Variants in DGKG observed in about 807,000 individuals in gnomAD.
DGKG encodes the protein diacylglycerol kinase gamma, also known as DAG kinase gamma.
In DGKG, 78 loss-of-function variants were observed where a neutral mutation model predicts 105.3. The ratio of observed to expected loss-of-function variants is 0.74; its 90% CI spans 0.62 to 0.89. The LOEUF (loss-of-function observed/expected upper bound fraction) is 0.89. Among genes scored for constraint, DGKG ranks in the 40% least tolerant of loss-of-function variants. The pLI is 0.00. For missense variants in DGKG, 958 were observed against 1,020.1 expected, an observed-to-expected ratio of 0.94 and a Z score of 0.83; for synonymous variants, 346 against 367.1, an observed-to-expected ratio of 0.94 and a Z score of 0.66.
At chr3:186,326,156 C>T (rs1435189264) in intron 1 of DGKG, among the ~76,000 whole-genome samples, 2 of 152,134 alleles carry the variant, frequency 1.3e-5, no homozygotes, top group African/African-American at 4.8e-5. Flanking sequence ...CTTTTGGAGG[C>T]CGAGGCGGAA....
chr3:186,283,945 C>G, intron 7 of DGKG, among the ~76,000 whole-genome samples: 1 of 152,194 alleles, frequency 6.6e-6, no homozygotes, highest in East Asian at 1.9e-4. Context: ...TTAATGAGCC[C>G]TATCTCTGAC....
In DGKG at chr3:186,174,767, G is replaced by A. The variant is rs139716162; in HGVS notation, c.2096-9749C>T. ...GCTGAGCAAGGTGGGAGCAGAGCAG[G>A]TTCTAGACATCTTTAAGGCATGGGT... On this transcript the variant is annotated intron_variant, in intron 22 of 24. Transcript: ENST00000265022. Among the ~76,000 whole-genome samples, 132 of 151,826 alleles carry A rather than the reference G, an allele frequency of 8.7e-4. 1 individual carries two copies. Among genetic ancestry groups the A allele is most frequent in the African/African-American group, 3.1e-3 (130 of 41,420 alleles).
intron 22 of DGKG, among the ~76,000 whole-genome samples, chr3:186,166,566 T>A (rs1716556393): frequency 6.6e-6 from 1 of 152,060 alleles, no homozygotes; most frequent in South Asian, 2.1e-4. Flanking sequence ...TTGAATAACG[T>A]TGGATGGTCT....
At chr3:186,261,168 G>A (rs991153989) in intron 15 of DGKG, among the ~76,000 whole-genome samples, 4 of 152,308 alleles carry the variant, frequency 2.6e-5, no homozygotes, top group African/African-American at 7.2e-5. Flanking sequence ...TCCAGATCAC[G>A]GTGCCATCTG....
intron 1 of DGKG, among the ~76,000 whole-genome samples, chr3:186,350,332 G>T (rs1726568155): frequency 6.6e-6 from 1 of 152,122 alleles, no homozygotes; most frequent in Non-Finnish European, 1.5e-5. Context: ...CATATGAGTG[G>T]AATGTGCAGT....
At chr3:186,169,812 G>A (rs1251978803) in intron 22 of DGKG, among the ~76,000 whole-genome samples, 1 of 152,202 alleles carries the variant, frequency 6.6e-6, no homozygotes, top group Non-Finnish European at 1.5e-5. Flanking sequence ...GAAAGAACAA[G>A]GAAGATAAGG....
At chr3:186,329,208 T>C (rs545796205) in intron 1 of DGKG, among the ~76,000 whole-genome samples, 1 of 152,356 alleles carries the variant, frequency 6.6e-6, no homozygotes, top group East Asian at 1.9e-4. Flanking sequence ...AAGAGTATTT[T>C]ATGTCTCTAC....
intron 20 of DGKG, among the ~76,000 whole-genome samples, chr3:186,224,728 C>T (rs1719766518): frequency 2.7e-5 from 3 of 112,882 alleles, no homozygotes; most frequent in African/African-American, 1.0e-4. Context: ...TGATTGACAC[C>T]CCCCCGCCCC....
intron 2 of DGKG, among the ~76,000 whole-genome samples, chr3:186,317,359 C>T (rs954153527): frequency 6.6e-6 from 1 of 152,188 alleles, no homozygotes; most frequent in Non-Finnish European, 1.5e-5. Context: ...GCCATCTCCT[C>T]GCATGATTCC....
intron 22 of DGKG, among the ~76,000 whole-genome samples, chr3:186,183,320 G>A (rs954020528): frequency 6.6e-6 from 1 of 152,168 alleles, no homozygotes; most frequent in Non-Finnish European, 1.5e-5. Context: ...ATATGGAGGA[G>A]GCTGGGTATA....
rs34226259 is a variant in DGKG, at chr3:186,209,093, C to CTTTTTTTTTTTTTTTT, written c.1917+2686_1917+2701dup. Among the ~76,000 whole-genome samples the CTTTTTTTTTTTTTTTT allele has an allele frequency of 6.2e-4, 56 of 89,790 alleles. 1 individual carries two copies. Among genetic ancestry groups the CTTTTTTTTTTTTTTTT allele is most frequent in the African/African-American group, 2.7e-3 (55 of 20,754 alleles). The allele number at this position is 89,790 out of a possible 152,430, so 58.9% of individuals were successfully genotyped here. A position where few individuals can be genotyped will look rare whatever the true frequency, so the allele number is the denominator to read the frequency against. Reference sequence around the variant, plus strand: ...TTTTCTCTCCCTTCAGTTTACTCTTCTTTTTTTTTTTTTTTTTTTTTTTAA... The same window carrying CTTTTTTTTTTTTTTTT: ...TTTTCTCTCCCTTCAGTTTACTCTTCTTTTTTTTTTTTTTTTTTTTTTTTTTTTTTTTTTTTTTTAA... On this transcript the variant is annotated intron_variant, in intron 21 of 24. Coordinates refer to ENST00000265022, the MANE Select transcript of DGKG (RefSeq NM_001346.3).
Position 186,161,209 on chromosome 3 carries a change from G to A in DGKG, c.2277+394C>T, listed in dbSNP as rs943050038. 7.1e-6 allele frequency: 7 copies of A among 992,402 alleles called. No individual in the cohort carries two copies. In the South Asian group the frequency reaches 1.8e-4, roughly 26 times the overall value. The allele number at this position is 992,402 out of a possible 1,614,324, so 61.5% of individuals were successfully genotyped here. A position where few individuals can be genotyped will look rare whatever the true frequency, so the allele number is the denominator to read the frequency against. ...GTAAGTGTGTAGATTTGGCTTCCAC[G>A]TAAGGAAGCAATTTGACTTGTTCAT... On this transcript the variant is annotated intron_variant, in intron 24 of 24. Transcript: ENST00000265022.
Position 186,172,136 on chromosome 3 carries a change from C to T in DGKG, c.2096-7118G>A, listed in dbSNP as rs115651485. ...TGCTGGGATTACAGGTGTGAGCCAC[C>T]GCGCCCAGTGCCCGCTTGCTTTTTT... On this transcript the variant is annotated intron_variant, in intron 22 of 24. Coordinates refer to ENST00000265022, the MANE Select transcript of DGKG (RefSeq NM_001346.3). Among the ~76,000 whole-genome samples the T allele has an allele frequency of 3.0e-3, 456 of 152,286 alleles. 2 individuals are homozygous for T. Among genetic ancestry groups the T allele is most frequent in the African/African-American group, 0.01 (427 of 41,554 alleles).
chr3:186,204,122 G>A (rs1023391545), intron 21 of DGKG, among the ~76,000 whole-genome samples: 7 of 152,224 alleles, frequency 4.6e-5, no homozygotes, highest in African/African-American at 1.4e-4. Context: ...AAAAATAATA[G>A]CACTGGCCAG....
chr3:186,244,543 T>C (rs1312061568), intron 19 of DGKG, among the ~76,000 whole-genome samples: 1 of 151,964 alleles, frequency 6.6e-6, no homozygotes, highest in Non-Finnish European at 1.5e-5. Flanking sequence ...TAGCTGGGAT[T>C]ACAGGCATCC....
intron 20 of DGKG, among the ~76,000 whole-genome samples, chr3:186,241,224 A>G (rs1219012311): frequency 6.6e-6 from 1 of 152,102 alleles, no homozygotes; most frequent in African/African-American, 2.4e-5. Context: ...GATGAAAATG[A>G]TGGGTCCTGG....
intron 18 of DGKG, among the ~76,000 whole-genome samples, chr3:186,252,252 G>A (rs1721262793): frequency 6.6e-6 from 1 of 152,254 alleles, no homozygotes; most frequent in South Asian, 2.1e-4. Flanking sequence ...GCTGTGTCAT[G>A]TGGGAGATGG....
intron 2 of DGKG, among the ~76,000 whole-genome samples, chr3:186,317,018 G>A (rs541680703): frequency 9.2e-5 from 14 of 152,246 alleles, no homozygotes; most frequent in South Asian, 2.1e-4. Flanking sequence ...CCAGTCCCGC[G>A]ACATGGACAA....
At position 186,306,940 on chromosome 3, in the gene DGKG, A is replaced by G. The variant is rs372630222; in HGVS notation, c.105T>C (p.Phe35=). The change falls in exon 3 of 25, where the codon TTT becomes TTC. Residue 35 remains phenylalanine, a synonymous_variant. Transcript: ENST00000265022. The part of the protein sequence containing the change: ...SKKIKDALTE[F]NEGGSLKQYD... ...ATTGTTTGAGGCTCCCACCCTCATT[A>G]AATTCAGTCAAGGCATCTTTTATCT... The G allele has an allele frequency of 3.5e-5, 56 of 1,613,190 alleles. No individual in the cohort carries two copies. Among genetic ancestry groups the G allele is most frequent in the Non-Finnish European group, 4.7e-5 (55 of 1,179,260 alleles).
Sources: allele counts gnomAD v4.1 joint callset (sites outside exome capture counted in the v4.1 genomes callset), GRCh38; gene constraint gnomAD v4.1.1; transcripts MANE v1.5; gene names NCBI Gene and HGNC (gene_info 2026-07-23, HGNC 2026-07-21).